The following SLC25A33 variants were observed in gnomAD, a reference collection of about 807,000 sequenced individuals.
The protein encoded by SLC25A33 is bone marrow stromal cell mitochondrial carrier protein.
SLC25A33 carries 15 observed loss-of-function variants against 35.5 expected under a neutral mutation model. The ratio of observed to expected loss-of-function variants is 0.42; its 90% CI spans 0.28 to 0.65. The LOEUF is 0.65. Among genes scored for constraint, SLC25A33 ranks in the 30% least tolerant of loss-of-function variants. The probability of loss-of-function intolerance (pLI) is 0.20; values close to 1 mark genes in which losing one functional copy is unlikely to be tolerated. For synonymous variants in SLC25A33, 136 were observed against 148.7 expected (o/e 0.91, Z 0.62); for missense variants, 257 against 398.5 (o/e 0.64, Z 3.02).
chr1:9,575,050 A>G (rs539050858), intron 5 of SLC25A33, among the ~76,000 whole-genome samples: 13 of 151,514 alleles, frequency 8.6e-5, no homozygotes, highest in Non-Finnish European at 1.5e-4. Context: ...TGTCTCTACT[A>G]AAAATACAAA....
At chr1:9,554,436 C>T (rs1483089515) in intron 2 of SLC25A33, among the ~76,000 whole-genome samples, 5 of 152,152 alleles carry the variant, frequency 3.3e-5, no homozygotes, top group South Asian at 4.1e-4. Flanking sequence ...CTCAGCTCAC[C>T]GCAACCTCTG....
intron 4 of SLC25A33, among the ~76,000 whole-genome samples, chr1:9,570,709 T>G (rs1279526641): frequency 2.8e-5 from 4 of 143,310 alleles, no homozygotes; most frequent in East Asian, 2.0e-4. Flanking sequence ...ATAGTTTTTT[T>G]TTTTTTTTTT....
At chr1:9,544,613 A>G (rs1209121674) in intron 1 of SLC25A33, among the ~76,000 whole-genome samples, 1 of 152,116 alleles carries the variant, frequency 6.6e-6, no homozygotes, top group Non-Finnish European at 1.5e-5. Context: ...TACAGTGTAT[A>G]CAGAAAAGCA....
At chr1:9,575,400 A>G (rs1308489343) in intron 5 of SLC25A33, among the ~76,000 whole-genome samples, 2 of 151,758 alleles carry the variant, frequency 1.3e-5, no homozygotes, top group Middle Eastern at 6.8e-3. Context: ...GTGGGTCACA[A>G]ACTCAGGAGT....
In SLC25A33 at chr1:9,582,652, C is replaced by T. The variant is rs1643762386; in HGVS notation, c.*151C>T. On this transcript the variant is annotated 3_prime_UTR_variant, in exon 7 of 7. Transcript: ENST00000302692. The surrounding 1 kb of genome is among the most constrained non-coding windows in gnomAD (Gnocchi z 4.0). Reference sequence around the variant, plus strand: ...CCTGTTGGACATTTCCTTTTGGATTCATGCTTTCTGGAAGGTTTAAATTCA... The same window carrying T: ...CCTGTTGGACATTTCCTTTTGGATTTATGCTTTCTGGAAGGTTTAAATTCA... The T allele has an allele frequency of 4.1e-6, 3 of 730,020 alleles. No homozygotes were observed. Among genetic ancestry groups the T allele is most frequent in the Non-Finnish European group, 6.6e-6 (3 of 457,832 alleles). 45.2% of individuals were successfully genotyped at this position (730,020 alleles called of 1,614,324 possible). A position where few individuals can be genotyped will look rare whatever the true frequency, so the allele number is the denominator to read the frequency against.
intron 5 of SLC25A33, among the ~76,000 whole-genome samples, chr1:9,574,971 T>C (rs558794342): frequency 6.6e-6 from 1 of 152,168 alleles, no homozygotes; most frequent in East Asian, 1.9e-4. Context: ...CCCAGCACTT[T>C]GAGAGGCTGA....
intron 6 of SLC25A33, among the ~76,000 whole-genome samples, chr1:9,580,535 G>A (rs573989640): frequency 1.3e-5 from 2 of 152,254 alleles, no homozygotes; most frequent in East Asian, 1.9e-4. Context: ...AATATTCCTT[G>A]AATCAAAATG....
chr1:9,556,134 A>T, intron 2 of SLC25A33: 1 of 940,058 alleles, frequency 1.1e-6, no homozygotes, highest in Non-Finnish European at 1.3e-6. Context: ...CCCCATCAAG[A>T]TGGGACTGTG....
intron 2 of SLC25A33, among the ~76,000 whole-genome samples, chr1:9,562,799 G>C (rs1056618230): frequency 1.3e-5 from 2 of 148,448 alleles, no homozygotes; most frequent in Admixed American, 1.3e-4. Context: ...GTTGTGGTGA[G>C]CCAAGATCGC....
Position 9,584,303 on chromosome 1 carries a change from G to A in SLC25A33, c.*1802G>A, listed in dbSNP as rs914948723. The A allele has an allele frequency of 6.6e-6, 1 of 152,212 alleles. No homozygotes were observed. Among genetic ancestry groups the A allele is most frequent in the Non-Finnish European group, 1.5e-5 (1 of 68,042 alleles). The allele number at this position is 152,212 out of a possible 1,614,324, so 9.4% of individuals were successfully genotyped here. On this transcript the variant is annotated 3_prime_UTR_variant, in exon 7 of 7. Coordinates refer to ENST00000302692, the MANE Select transcript of SLC25A33 (RefSeq NM_032315.3). The stretch of plus-strand genomic sequence containing the variant: ...TTTAACTGGGGTTCTTGACTCTAGT[G>A]TAATTGCTCCAACAACTACGTAGAA...
intron 1 of SLC25A33, among the ~76,000 whole-genome samples, chr1:9,553,319 G>A (rs1308217007): frequency 1.4e-5 from 2 of 145,078 alleles, no homozygotes; most frequent in Non-Finnish European, 3.0e-5. Flanking sequence ...CTGCCTCCTG[G>A]GTTCACGCCA....
intron 1 of SLC25A33, among the ~76,000 whole-genome samples, chr1:9,541,374 C>T (rs1643078929): frequency 6.6e-6 from 1 of 152,156 alleles, no homozygotes; most frequent in Non-Finnish European, 1.5e-5. Flanking sequence ...TGGTCTCGAT[C>T]TCCTGACCTC....
At chr1:9,547,299 C>CA (rs1643187753) in intron 1 of SLC25A33, among the ~76,000 whole-genome samples, 1 of 152,092 alleles carries the variant, frequency 6.6e-6, no homozygotes, top group Non-Finnish European at 1.5e-5. Flanking sequence ...ACTAAAAATA[C>CA]AAAAATTAGC....
intron 2 of SLC25A33, among the ~76,000 whole-genome samples, chr1:9,560,736 T>TC (rs1179974936): frequency 6.6e-6 from 1 of 151,634 alleles, no homozygotes; most frequent in Non-Finnish European, 1.5e-5. Flanking sequence ...AAATTCTCTA[T>TC]TGAAGAACCT....
Position 9,580,196 on chromosome 1 carries a change from T to A in SLC25A33, c.725T>A (p.Leu242His), listed in dbSNP as rs1643720783. 1 of 1,610,334 alleles carries A rather than the reference T, an allele frequency of 6.2e-7. No homozygotes were observed. The highest frequency in any genetic ancestry group is 8.5e-7 in the Non-Finnish European group (1 of 1,178,792). ...SFFGLMAAAA[L>H]SKGCASCIAY... ...TTTGGACTTATGGCAGCTGCTGCTCTTTCTAAGGGCTGTGCCTCCTGCATT... is the reference window on the plus strand; with the variant it reads ...TTTGGACTTATGGCAGCTGCTGCTCATTCTAAGGGCTGTGCCTCCTGCATT... Residue 242 changes from leucine (L) to histidine (H), a missense_variant, in exon 6 of 7, where the codon CTT becomes CAT. Coordinates refer to ENST00000302692, the MANE Select transcript of SLC25A33 (RefSeq NM_032315.3).
Position 9,553,650 on chromosome 1 carries a change from T to A in SLC25A33, c.81T>A (p.Ile27=), listed in dbSNP as rs914013608. ...GGTGTGGAGGCACAGTTGGTGCTAT[T>A]TTCACTTGTCCACTAGAAGTCATTA... ...AGGCGGTVGA[I]FTCPLEVIKT... The change falls in exon 2 of 7, where the codon ATT becomes ATA. Residue 27 remains isoleucine (I), a synonymous_variant. Coordinates refer to ENST00000302692, the MANE Select transcript of SLC25A33 (RefSeq NM_032315.3). The A allele has an allele frequency of 8.1e-6, 13 of 1,613,522 alleles. 1 individual carries two copies. The Middle Eastern group carries it at 5.3e-4, about 66-fold the overall frequency.
chr1:9,564,739 AATAT>A (rs70979762), intron 2 of SLC25A33, among the ~76,000 whole-genome samples: 974 of 96,430 alleles, frequency 0.01, 27 homozygotes, highest in East Asian at 0.038. Context: ...AAAAAAAAAA[AATAT>A]ATATATATAT....
At chr1:9,550,017 T>G (rs373608825) in intron 1 of SLC25A33, among the ~76,000 whole-genome samples, 8 of 88,430 alleles carry the variant, frequency 9.0e-5, no homozygotes, top group African/African-American at 4.9e-4. Flanking sequence ...ATATATTTTT[T>G]TTTTTTTTTT....
At chr1:9,576,758 AT>A in intron 5 of SLC25A33, 1 of 1,070,242 alleles carries the variant, frequency 9.3e-7, no homozygotes, top group Non-Finnish European at 1.4e-6. Context: ...GAAATCCGAA[AT>A]TTCTTGGATG....
Sources: gnomAD v4.1 joint callset for allele counts (sites outside exome capture counted in the v4.1 genomes callset) on GRCh38, gnomAD v4.1.1 for gene constraint, Gnocchi (gnomAD v3.1) non-coding constraint, MANE v1.5 for transcripts, NCBI Gene and HGNC (gene_info 2026-07-23, HGNC 2026-07-21) for gene names.